Variants in PHF21A observed in about 807,000 individuals in gnomAD.
PHF21A encodes BHC80a.
A neutral mutation model predicts 82.5 loss-of-function variants in PHF21A; 11 were observed. That is an observed-to-expected ratio of 0.13 (90% CI 0.08 to 0.22). The LOEUF is 0.22. Ranked by LOEUF, PHF21A falls within the 10% of genes least tolerant of loss-of-function variation. The probability of loss-of-function intolerance (pLI) is 1.00; values close to 1 mark genes in which losing one functional copy is unlikely to be tolerated. For missense variants in PHF21A, 579 were observed against 837.8 expected, an observed-to-expected ratio of 0.69 and a Z score of 3.81; for synonymous variants, 297 against 302.8, an observed-to-expected ratio of 0.98 and a Z score of 0.20.
chr11:45,987,757 C>T (rs1469319337), intron 6 of PHF21A, among the ~76,000 whole-genome samples: 1 of 151,076 alleles, frequency 6.6e-6, no homozygotes, highest in Non-Finnish European at 1.5e-5. Context: ...AAATTAAGCT[C>T]CAATAGAGCA....
At chr11:46,116,862 G>A (rs967664990) in intron 1 of PHF21A, 2 of 152,762 alleles carry the variant, frequency 1.3e-5, no homozygotes, top group African/African-American at 4.8e-5. Context: ...CTACTCAGGA[G>A]GCTGAGAGGC....
intron 1 of PHF21A, among the ~76,000 whole-genome samples, chr11:46,120,194 T>C (rs945948459): frequency 6.7e-6 from 1 of 150,300 alleles, no homozygotes; most frequent in Non-Finnish European, 1.5e-5. Context: ...CAGCTTTTTT[T>C]TTTTTAAACC....
intron 6 of PHF21A, among the ~76,000 whole-genome samples, chr11:45,994,838 A>G (rs1359925769): frequency 6.6e-6 from 1 of 152,180 alleles, no homozygotes; most frequent in Non-Finnish European, 1.5e-5. Flanking sequence ...CACTAGTAAC[A>G]GTTTGTCTAG....
chr11:46,067,951 T>C (rs1396211492), intron 6 of PHF21A, among the ~76,000 whole-genome samples: 3 of 152,090 alleles, frequency 2.0e-5, no homozygotes, highest in Non-Finnish European at 4.4e-5. Flanking sequence ...AAGAAAAGCT[T>C]ATAGAAGACC....
At chr11:46,018,538 T>A (rs978165150) in intron 6 of PHF21A, among the ~76,000 whole-genome samples, 1 of 152,208 alleles carries the variant, frequency 6.6e-6, no homozygotes, top group African/African-American at 2.4e-5. Context: ...AAAACAGCTA[T>A]CCTGAAATAG....
intron 6 of PHF21A, among the ~76,000 whole-genome samples, chr11:46,031,795 A>T (rs2095871364): frequency 6.6e-6 from 1 of 152,176 alleles, no homozygotes; most frequent in African/African-American, 2.4e-5. Context: ...CTAACACTAT[A>T]CGCAAAAGCT....
intron 6 of PHF21A, among the ~76,000 whole-genome samples, chr11:46,030,700 C>T (rs2095846091): frequency 6.6e-6 from 1 of 152,120 alleles, no homozygotes; most frequent in Admixed American, 6.5e-5. Flanking sequence ...CACTAAATCT[C>T]ACATTTGCAT....
At chr11:45,934,547 T>TA in intron 18 of PHF21A, 1 of 286,592 alleles carries the variant, frequency 3.5e-6, no homozygotes, top group Non-Finnish European at 6.4e-6. Context: ...CAAAGGTTGT[T>TA]TAAAAAAAAA....
chr11:45,978,067 C>G (rs915431387), intron 7 of PHF21A, among the ~76,000 whole-genome samples: 1 of 151,860 alleles, frequency 6.6e-6, no homozygotes, highest in Non-Finnish European at 1.5e-5. Flanking sequence ...TTTGGGAGGC[C>G]GAGGCGGGCA....
chr11:46,063,730 T>C lies in PHF21A; in HGVS notation c.153+13024A>G, dbSNP rs530712436. ...GAAGGGAAGCTATAAAAAGGAATACTAGAAATTTAAAGAGTTATATATAAT... is the reference window on the plus strand; with the variant it reads ...GAAGGGAAGCTATAAAAAGGAATACCAGAAATTTAAAGAGTTATATATAAT... On this transcript the variant is annotated intron_variant, in intron 6 of 18. Transcript: ENST00000676320. 1.4e-3 allele frequency among the ~76,000 whole-genome samples: 220 copies of C among 152,178 alleles called. 2 individuals are homozygous for C. The highest frequency in any genetic ancestry group is 2.4e-3 in the Non-Finnish European group (162 of 68,014).
rs2093372668 is a variant in PHF21A at position 45,965,441 on chromosome 11, C to T, written c.870G>A (p.Gly290=). The T allele has an allele frequency of 1.3e-5, 21 of 1,614,060 alleles. No individual in the cohort carries two copies. Among genetic ancestry groups the T allele is most frequent in the Non-Finnish European group, 1.7e-5 (20 of 1,180,016 alleles). The stretch of plus-strand genomic sequence containing the variant: ...ACGTTTTGGCTATGGTTGCAGTCTG[C>T]CCATTGACGACACGGACGGGGTGGA... ...NSIHPVRVVN[G]QTATIAKTFP... Residue 290 remains glycine (G), a synonymous_variant, in exon 10 of 19, where the codon GGG becomes GGA. Transcript: ENST00000676320.
chr11:45,950,544 CA>C (rs997492492), intron 11 of PHF21A, among the ~76,000 whole-genome samples: 2 of 150,852 alleles, frequency 1.3e-5, no homozygotes, highest in Non-Finnish European at 3.0e-5. Flanking sequence ...AAAAAAATCG[CA>C]AAAAAAACTC....
At chr11:46,087,383 A>C (rs572083580) in intron 3 of PHF21A, among the ~76,000 whole-genome samples, 14 of 152,328 alleles carry the variant, frequency 9.2e-5, no homozygotes, top group African/African-American at 3.1e-4. Flanking sequence ...TCTCCATCAG[A>C]TTGTTGTCTG....
intron 1 of PHF21A, among the ~76,000 whole-genome samples, chr11:46,111,235 G>A (rs570110422): frequency 5.9e-4 from 90 of 151,718 alleles, no homozygotes; most frequent in African/African-American, 2.1e-3. Context: ...TTGGGAGGCC[G>A]AGGTGGGCAG....
chr11:46,067,652 T>A (rs1236794254), intron 6 of PHF21A, among the ~76,000 whole-genome samples: 3 of 151,242 alleles, frequency 2.0e-5, no homozygotes, highest in Non-Finnish European at 2.9e-5. Context: ...CTTTTGATGG[T>A]GAACCCTTGG....
chr11:45,942,718 A>G (rs1289720122), intron 15 of PHF21A, among the ~76,000 whole-genome samples: 5 of 152,176 alleles, frequency 3.3e-5, no homozygotes, highest in Admixed American at 2.6e-4. Flanking sequence ...CAAAGGTAAC[A>G]CTTTCTTTGT....
chr11:45,996,437 G>GT (rs2094911759), intron 6 of PHF21A, among the ~76,000 whole-genome samples: 2 of 152,078 alleles, frequency 1.3e-5, no homozygotes, highest in African/African-American at 4.8e-5. Flanking sequence ...AAATATGCTG[G>GT]TTAAGAACTA....
chr11:45,957,624 T>A (rs1049704634), intron 10 of PHF21A, among the ~76,000 whole-genome samples: 1 of 151,844 alleles, frequency 6.6e-6, no homozygotes, highest in Non-Finnish European at 1.5e-5. Flanking sequence ...ACTTATGCGA[T>A]GCTGTGAAAG....
At chr11:46,022,598 A>G (rs2137907903) in intron 6 of PHF21A, among the ~76,000 whole-genome samples, 1 of 152,290 alleles carries the variant, frequency 6.6e-6, no homozygotes, top group Non-Finnish European at 1.5e-5. Flanking sequence ...AGCAGCTGGG[A>G]CTACAGGCAC....
Sources: gnomAD v4.1 joint callset for allele counts (sites outside exome capture counted in the v4.1 genomes callset) on GRCh38, gnomAD v4.1.1 for gene constraint, MANE v1.5 for transcripts, NCBI Gene and HGNC (gene_info 2026-07-23, HGNC 2026-07-21) for gene names.